Variants in GFRA2 observed in about 807,000 individuals in gnomAD.
The protein encoded by GFRA2 is GDNF family receptor alpha-2.
Under a neutral mutation model 48.3 loss-of-function variants are expected in GFRA2, and 17 were observed. That is an observed-to-expected ratio of 0.35 (90% CI 0.24 to 0.53). GFRA2 has a LOEUF of 0.53. Among genes scored for constraint, GFRA2 ranks in the 20% least tolerant of loss-of-function variants. GFRA2 has a pLI of 0.93. For missense variants in GFRA2, 660 were observed against 637.3 expected (o/e 1.04, Z -0.38); for synonymous variants, 305 against 257.2 (o/e 1.19, Z -1.78).
intron 3 of GFRA2, among the ~76,000 whole-genome samples, chr8:21,752,098 AT>A (rs1224244259): frequency 2.6e-5 from 4 of 151,712 alleles, no homozygotes; most frequent in African/African-American, 9.7e-5. Flanking sequence ...GAGACAGCTC[AT>A]TTTTTTCTCT....
At chr8:21,738,001 A>G (rs2117532849) in intron 4 of GFRA2, among the ~76,000 whole-genome samples, 1 of 152,128 alleles carries the variant, frequency 6.6e-6, no homozygotes, top group East Asian at 1.9e-4. Flanking sequence ...CTCCATCCCA[A>G]GCCCCTGCCT....
intron 3 of GFRA2, among the ~76,000 whole-genome samples, chr8:21,771,167 C>A (rs1446205559): frequency 6.6e-6 from 1 of 152,156 alleles, no homozygotes; most frequent in African/African-American, 2.4e-5. Context: ...CACACATAGG[C>A]ACCACAGCTC....
intron 4 of GFRA2, among the ~76,000 whole-genome samples, chr8:21,727,391 A>C (rs1456222429): frequency 1.3e-5 from 2 of 152,056 alleles, no homozygotes; most frequent in African/African-American, 4.8e-5. Context: ...GGGGTCCCTC[A>C]AGTGCAGTCC....
At chr8:21,714,647 GA>G (rs1210431036) in intron 4 of GFRA2, among the ~76,000 whole-genome samples, 1 of 152,140 alleles carries the variant, frequency 6.6e-6, no homozygotes, top group Non-Finnish European at 1.5e-5. Flanking sequence ...GACATTTACT[GA>G]GGACCTACTA....
intron 3 of GFRA2, among the ~76,000 whole-genome samples, chr8:21,766,117 A>G (rs1026728042): frequency 6.6e-6 from 1 of 152,072 alleles, no homozygotes; most frequent in Non-Finnish European, 1.5e-5. Flanking sequence ...TTCCAGCCAC[A>G]TGTGCTTCCC....
chr8:21,706,181 C>G (rs528529324), intron 4 of GFRA2, 140 bp from the exon 5 acceptor site: 11 of 642,284 alleles, frequency 1.7e-5, no homozygotes, highest in South Asian at 9.1e-5. Flanking sequence ...GGAGGAAAGT[C>G]GGGGGAACCA....
At chr8:21,763,738 G>A (rs557524106) in intron 3 of GFRA2, among the ~76,000 whole-genome samples, 1 of 151,402 alleles carries the variant, frequency 6.6e-6, no homozygotes, top group African/African-American at 2.4e-5. Flanking sequence ...CTGACCCCCT[G>A]ACCCAAACAC....
chr8:21,786,641 G>A (rs1363687479), intron 1 of GFRA2, among the ~76,000 whole-genome samples: 1 of 152,128 alleles, frequency 6.6e-6, no homozygotes, highest in Non-Finnish European at 1.5e-5. Flanking sequence ...AGCTGCCTCT[G>A]GCTGAGGGAG....
upstream of GFRA2, among the ~76,000 whole-genome samples, chr8:21,791,536 T>C (rs1180574093): frequency 5.3e-5 from 8 of 151,402 alleles, no homozygotes; most frequent in Non-Finnish European, 1.0e-4. Context: ...GCATCTGCCA[T>C]GAGGAAGACC....
chr8:21,767,597 G>A (rs1419004597), intron 3 of GFRA2, among the ~76,000 whole-genome samples: 1 of 152,248 alleles, frequency 6.6e-6, no homozygotes, highest in African/African-American at 2.4e-5. Context: ...CTCAAGAGCA[G>A]CACAGAGCAG....
intron 4 of GFRA2, among the ~76,000 whole-genome samples, chr8:21,714,291 G>A (rs1031877838): frequency 2.7e-5 from 3 of 112,776 alleles, no homozygotes; most frequent in Admixed American, 1.3e-4. Flanking sequence ...TCACTCTGTC[G>A]CCAAGGCTGG....
At chr8:21,744,486 G>C (rs73669539) in intron 4 of GFRA2, among the ~76,000 whole-genome samples, 10,149 of 151,266 alleles carry the variant, frequency 0.067, 442 homozygotes, top group Non-Finnish European at 0.087. Context: ...TCCAAATGAG[G>C]CCTGGTAGGG....
chr8:21,693,265 C>T lies in GFRA2; in HGVS notation c.*13G>A, dbSNP rs368317566. On this transcript the variant is annotated 3_prime_UTR_variant, in exon 9 of 9. Transcript: ENST00000524240. ...CGTAGCTTTCAAAAATATTCTGACT[C>T]GGTTCCCACAGCCTACAAGGCCAGT... 2.7e-5 allele frequency: 44 copies of T among 1,601,514 alleles called. No homozygotes were observed. The highest frequency in any genetic ancestry group is 1.7e-4 in the Middle Eastern group (1 of 6,024).
chr8:21,697,308 G>A (rs994456891), intron 7 of GFRA2, among the ~76,000 whole-genome samples: 1 of 151,720 alleles, frequency 6.6e-6, no homozygotes, highest in Non-Finnish European at 1.5e-5. Context: ...ATAGAGGAAG[G>A]AGGCAACAGA....
intron 4 of GFRA2, among the ~76,000 whole-genome samples, chr8:21,735,077 C>G (rs1733906654): frequency 1.3e-5 from 2 of 152,176 alleles, no homozygotes; most frequent in African/African-American, 4.8e-5. Flanking sequence ...CTCATGTCTC[C>G]CTAAAATGTA....
chr8:21,804,605 C>T (rs1192806580), intron 2 of GFRA2, among the ~76,000 whole-genome samples: 1 of 152,074 alleles, frequency 6.6e-6, no homozygotes, highest in African/African-American at 2.4e-5. Context: ...GTGGGCCCAC[C>T]CTGCCTCTTC....
chr8:21,734,447 C>T (rs1461437899), intron 4 of GFRA2, among the ~76,000 whole-genome samples: 2 of 152,278 alleles, frequency 1.3e-5, no homozygotes, highest in African/African-American at 4.8e-5. Flanking sequence ...GGAAACATCA[C>T]ATTTTTTAAC....
At chr8:21,752,262 A>G (rs781290318) in intron 3 of GFRA2, among the ~76,000 whole-genome samples, 2 of 151,836 alleles carry the variant, frequency 1.3e-5, no homozygotes, top group Non-Finnish European at 2.9e-5. Context: ...AAACCCCTCA[A>G]TCGAGTTGTC....
chr8:21,737,239 C>T (rs1038318373), intron 4 of GFRA2, among the ~76,000 whole-genome samples: 7 of 152,104 alleles, frequency 4.6e-5, no homozygotes, highest in Middle Eastern at 3.4e-3. Flanking sequence ...ATTGGTAGCG[C>T]GTGCCTATAG....
Sources: gnomAD v4.1 joint callset for allele counts (sites outside exome capture counted in the v4.1 genomes callset) on GRCh38, gnomAD v4.1.1 for gene constraint, MANE v1.5 for transcripts, NCBI Gene and HGNC (gene_info 2026-07-23, HGNC 2026-07-21) for gene names.